The following CAMK2D variants were observed in gnomAD, a reference collection of about 807,000 sequenced individuals.
CAMK2D encodes the protein calcium/calmodulin dependent protein kinase II delta.
Under a neutral mutation model 84.0 loss-of-function variants are expected in CAMK2D, and 37 were observed. The observed-to-expected ratio is 0.44, with a 90% confidence interval of 0.34 to 0.58. CAMK2D has a LOEUF of 0.58. CAMK2D is among the 20% of genes least tolerant of loss of function. The pLI is 0.02. For missense variants in CAMK2D, 448 were observed against 652.5 expected (o/e 0.69, Z 3.41); for synonymous variants, 202 against 212.5 (o/e 0.95, Z 0.43).
At chr4:113,574,999 T>C (rs549057048) in intron 4 of CAMK2D, among the ~76,000 whole-genome samples, 1 of 152,180 alleles carries the variant, frequency 6.6e-6, no homozygotes, top group African/African-American at 2.4e-5. Context: ...ACACAGCATC[T>C]GTGCACTCAC....
chr4:113,719,561 C>T (rs1436294030), intron 2 of CAMK2D, among the ~76,000 whole-genome samples: 2 of 152,186 alleles, frequency 1.3e-5, no homozygotes, highest in African/African-American at 4.8e-5. Context: ...TTTTGACAAT[C>T]CTCAAAGCAC....
At chr4:113,471,354 G>A (rs1430767181) in intron 16 of CAMK2D, among the ~76,000 whole-genome samples, 2 of 152,206 alleles carry the variant, frequency 1.3e-5, no homozygotes, top group East Asian at 1.9e-4. Context: ...GCATGCTGAA[G>A]ACTGCCAATT....
chr4:113,477,658 A>G (rs35317913), intron 16 of CAMK2D, among the ~76,000 whole-genome samples: 29,710 of 150,122 alleles, frequency 0.2, 3,282 homozygotes, highest in Non-Finnish European at 0.26. Context: ...AGGCAGGAGA[A>G]TTGCTTGAAC....
chr4:113,504,877 TTATATA>T lies in CAMK2D; in HGVS notation c.1044+93_1044+98del. ...CCCAACACCCAACGAAATAAAATAT[TTATATA>T]TATGTATCTATATAGTGAAAGCAAA... On this transcript the variant is annotated intron_variant, in intron 14 of 20. Transcript: ENST00000511664. The T allele has an allele frequency of 7.2e-6, 3 of 417,772 alleles. No individual in the cohort carries two copies. In the South Asian group the frequency reaches 3.1e-4, roughly 43 times the overall value. The allele number at this position is 417,772 out of a possible 1,614,324, so 25.9% of individuals were successfully genotyped here.
intron 2 of CAMK2D, among the ~76,000 whole-genome samples, chr4:113,719,683 TGGG>T (rs2099524396): frequency 6.6e-6 from 1 of 152,160 alleles, no homozygotes; most frequent in Non-Finnish European, 1.5e-5. Context: ...CCTTGGGGGA[TGGG>T]GAAGGAAGAA....
At position 113,676,740 on chromosome 4, in the gene CAMK2D, T is replaced by G. The variant is rs557872130; in HGVS notation, c.161-14968A>C. On this transcript the variant is annotated intron_variant, in intron 2 of 20. Transcript: ENST00000511664. ...CATTCTTATCATCAAGGATGGAAAT[T>G]TGAGCCAAAGAAAATTCTGTACAGA... Among the ~76,000 whole-genome samples, 10 of 152,290 alleles carry G rather than the reference T, an allele frequency of 6.6e-5. No individual in the cohort carries two copies. In the East Asian group the frequency reaches 1.7e-3, roughly 26 times the overall value.
chr4:113,691,836 T>A (rs2099388094), intron 2 of CAMK2D, among the ~76,000 whole-genome samples: 1 of 152,168 alleles, frequency 6.6e-6, no homozygotes, highest in East Asian at 1.9e-4. Context: ...TGCCACACTA[T>A]TTAAATGGGT....
At chr4:113,493,551 C>T (rs1268245019) in intron 16 of CAMK2D, among the ~76,000 whole-genome samples, 1 of 152,036 alleles carries the variant, frequency 6.6e-6, no homozygotes, top group African/African-American at 2.4e-5. Flanking sequence ...GGTGACCCGA[C>T]CTTTCTCTCT....
At chr4:113,518,655 C>T (rs1053324362) in intron 8 of CAMK2D, among the ~76,000 whole-genome samples, 4 of 152,048 alleles carry the variant, frequency 2.6e-5, no homozygotes, top group African/African-American at 9.7e-5. Flanking sequence ...TTTCCTTAAG[C>T]CTAGGAAACC....
chr4:113,602,284 G>A (rs1048721016), intron 4 of CAMK2D, among the ~76,000 whole-genome samples: 4 of 151,804 alleles, frequency 2.6e-5, no homozygotes, highest in Non-Finnish European at 5.9e-5. Context: ...CACATAATAC[G>A]GATTTTCTCT....
At chr4:113,484,978 T>C (rs559283634) in intron 16 of CAMK2D, among the ~76,000 whole-genome samples, 4 of 152,232 alleles carry the variant, frequency 2.6e-5, no homozygotes, top group East Asian at 1.9e-4. Context: ...GCATACGATA[T>C]AATATTGGAG....
intron 8 of CAMK2D, among the ~76,000 whole-genome samples, chr4:113,522,257 TG>T (rs2098370251): frequency 6.6e-6 from 1 of 152,180 alleles, no homozygotes; most frequent in African/African-American, 2.4e-5. Context: ...AGGAAGTTAA[TG>T]GAAGAATCTA....
intron 2 of CAMK2D, among the ~76,000 whole-genome samples, chr4:113,693,496 A>G (rs2099394268): frequency 6.6e-6 from 1 of 152,202 alleles, no homozygotes. Context: ...CCTCACAGAG[A>G]AAAAGGAAAC....
intron 2 of CAMK2D, among the ~76,000 whole-genome samples, chr4:113,692,725 TATATTCATACATAC>T (rs1464220500): frequency 1.3e-5 from 2 of 152,008 alleles, no homozygotes; most frequent in Non-Finnish European, 2.9e-5. Context: ...TATACATACA[TATATTCATACATAC>T]ATATTCATAT....
intron 12 of CAMK2D, among the ~76,000 whole-genome samples, chr4:113,511,286 T>C (rs984524756): frequency 3.3e-5 from 5 of 152,120 alleles, no homozygotes; most frequent in African/African-American, 4.8e-5. Flanking sequence ...TATTCTTCAG[T>C]TGATTTTGAA....
chr4:113,564,171 A>G (rs1303768947), intron 4 of CAMK2D, among the ~76,000 whole-genome samples: 1 of 152,186 alleles, frequency 6.6e-6, no homozygotes, highest in African/African-American at 2.4e-5. Context: ...TCAAGGTATC[A>G]GTGACCTCCT....
At chr4:113,532,424 G>A (rs1462671755) in intron 7 of CAMK2D, among the ~76,000 whole-genome samples, 2 of 152,106 alleles carry the variant, frequency 1.3e-5, no homozygotes, top group African/African-American at 2.4e-5. Context: ...CCTCAAACTC[G>A]ACTTGAAATA....
At position 113,451,108 on chromosome 4, in the gene CAMK2D, A is replaced by T. The variant is rs995451741; in HGVS notation, c.*3437T>A. ...CATCTATGTTTACCCTTAAATTATA[A>T]TTTTTTACATAAAAATTCAAAATTT... On this transcript the variant is annotated 3_prime_UTR_variant, in exon 21 of 21. Coordinates refer to ENST00000511664, the MANE Select transcript of CAMK2D (RefSeq NM_001321571.2). The T allele has an allele frequency of 6.6e-6, 1 of 152,148 alleles. No individual in the cohort carries two copies. Among genetic ancestry groups the T allele is most frequent in the Non-Finnish European group, 1.5e-5 (1 of 68,014 alleles). 9.4% of individuals were successfully genotyped at this position (152,148 alleles called of 1,614,324 possible). A position where few individuals can be genotyped will look rare whatever the true frequency, so the allele number is the denominator to read the frequency against.
At chr4:113,612,636 A>C (rs1358800108) in intron 3 of CAMK2D, among the ~76,000 whole-genome samples, 1 of 152,246 alleles carries the variant, frequency 6.6e-6, no homozygotes, top group Non-Finnish European at 1.5e-5. Flanking sequence ...AATTTTAAAA[A>C]AGAGAATGAG....
Sources: gnomAD v4.1 joint callset for allele counts (sites outside exome capture counted in the v4.1 genomes callset) on GRCh38, gnomAD v4.1.1 for gene constraint, MANE v1.5 for transcripts, NCBI Gene and HGNC (gene_info 2026-07-23, HGNC 2026-07-21) for gene names.